The following SYF2 variants were observed in gnomAD, a reference collection of about 807,000 sequenced individuals.
SYF2 encodes SYF2 pre-mRNA splicing factor, also known as pre-mRNA-splicing factor SYF2.
SYF2 carries 21 observed loss-of-function variants against 32.7 expected under a neutral mutation model. The ratio of observed to expected loss-of-function variants is 0.64; its 90% CI spans 0.45 to 0.92. The LOEUF (loss-of-function observed/expected upper bound fraction) is 0.92. Ranked by LOEUF, SYF2 falls within the 40% of genes least tolerant of loss-of-function variation. SYF2 has a pLI of 0.00. For synonymous variants in SYF2, 114 were observed against 103.9 expected, an observed-to-expected ratio of 1.10 and a Z score of -0.59; for missense variants, 278 against 296.5, an observed-to-expected ratio of 0.94 and a Z score of 0.46.
At position 25,222,516 on chromosome 1, in the gene SYF2, A is replaced by G. The variant is rs959784084; in HGVS notation, c.*750T>C. On this transcript the variant is annotated 3_prime_UTR_variant, in exon 7 of 7. Coordinates refer to ENST00000236273, the MANE Select transcript of SYF2 (RefSeq NM_015484.5). ...AAGCAGGACTGGCCATGAGTTAATG[A>G]TTGTTGAACAGGGTACTGGGTATAT... is the stretch of plus-strand genomic sequence containing the variant. Among the ~76,000 whole-genome samples, 3 of 152,008 alleles carry G rather than the reference A, an allele frequency of 2.0e-5. No individual in the cohort carries two copies. The highest frequency in any genetic ancestry group is 4.4e-5 in the Non-Finnish European group (3 of 68,020).
chr1:25,223,912 G>C lies in SYF2; in HGVS notation c.567-481C>G, dbSNP rs192236957. On this transcript the variant is annotated intron_variant, in intron 6 of 6. Coordinates refer to ENST00000236273, the MANE Select transcript of SYF2 (RefSeq NM_015484.5). ...AAGATAACTATAACAATATTAAATA[G>C]GCCAGGCGCAGTGGCTCATGCCTGT... Among the ~76,000 whole-genome samples the C allele has an allele frequency of 5.4e-3, 817 of 152,192 alleles. 3 individuals are homozygous for C. The highest frequency in any genetic ancestry group is 8.0e-3 in the Non-Finnish European group (542 of 68,018).
intron 2 of SYF2, 127 bp from the exon 3 acceptor site, chr1:25,229,250 T>G: frequency 1.8e-6 from 2 of 1,132,546 alleles, no homozygotes; most frequent in Non-Finnish European, 2.5e-6. Flanking sequence ...CTAAAAGCAA[T>G]AGAGAGCCAT....
chr1:25,229,217 TA>T, intron 2 of SYF2, 94 bp from the exon 3 acceptor site: 1 of 1,434,058 alleles, frequency 7.0e-7, no homozygotes, highest in Non-Finnish European at 9.4e-7. Context: ...CAGGACATAT[TA>T]ATAAGCTGAC....
At chr1:25,228,398 G>A (rs1450564366) in intron 3 of SYF2, among the ~76,000 whole-genome samples, 163 bp from the exon 4 acceptor site, 3 of 152,112 alleles carry the variant, frequency 2.0e-5, no homozygotes, top group South Asian at 2.1e-4. Context: ...GCAGTGGCGC[G>A]ATCTCAGCTC....
In SYF2 at chr1:25,223,440, A is replaced by G. The variant is rs2124508643; in HGVS notation, c.567-9T>C. ...TGTCTCGTTTTTCAATCCTGGGGAA[A>G]GAAGAAAATTTACAAAATTCAAAAT... On this transcript the variant is annotated splice_polypyrimidine_tract_variant and intron_variant, in intron 6 of 6. Transcript: ENST00000236273. 4 of 1,593,668 alleles carry G rather than the reference A, an allele frequency of 2.5e-6. No individual in the cohort carries two copies. Among genetic ancestry groups the G allele is most frequent in the Non-Finnish European group, 3.4e-6 (4 of 1,172,936 alleles).
chr1:25,231,354 T>A (rs886064989), intron 2 of SYF2: 1 of 152,268 alleles, frequency 6.6e-6, no homozygotes, highest in South Asian at 2.1e-4. Flanking sequence ...CTGCTCCAAC[T>A]GCAGCAAGCT....
chr1:25,231,315 GGT>G (rs1433209000), intron 2 of SYF2: 1 of 152,214 alleles, frequency 6.6e-6, no homozygotes, highest in East Asian at 1.9e-4. Context: ...GTCACTCCAT[GGT>G]GAAACAGGGG....
At chr1:25,230,673 C>T (rs1280930909) in intron 2 of SYF2, 1 of 152,162 alleles carries the variant, frequency 6.6e-6, no homozygotes, top group South Asian at 2.1e-4. Context: ...GAGCAAACCA[C>T]GGGGAACCGT....
rs749361273 is a variant in SYF2, at chr1:25,232,119, C to T, written c.117G>A (p.Glu39=). The change falls in exon 2 of 7, where the codon GAG becomes GAA. Residue 39 remains glutamate, a synonymous_variant. Transcript: ENST00000236273. ...KREQRLRKFR[E]LHLMRNEARK... ...GACTACTCACCCGCATCAGGTGCAG[C>T]TCCCGGAATTTGCGCAGTCTCTGTT... 2.5e-6 allele frequency: 4 copies of T among 1,613,996 alleles called. No homozygotes were observed. In the Admixed American group the frequency reaches 5.0e-5, roughly 20 times the overall value.
chr1:25,232,271 G>A, intron 1 of SYF2, 60 bp from the exon 2 acceptor site: 2 of 1,568,410 alleles, frequency 1.3e-6, no homozygotes, highest in South Asian at 2.3e-5. Context: ...GGACTGCCCA[G>A]GCCGAGTCCC....
chr1:25,226,581 T>C (rs1405913161), intron 5 of SYF2, among the ~76,000 whole-genome samples: 1 of 152,148 alleles, frequency 6.6e-6, no homozygotes, highest in Admixed American at 6.5e-5. Context: ...ACTACGACAA[T>C]CAGGGTGTTA....
intron 5 of SYF2, among the ~76,000 whole-genome samples, chr1:25,227,138 T>C (rs1364436684): frequency 6.6e-6 from 1 of 151,916 alleles, no homozygotes; most frequent in Non-Finnish European, 1.5e-5. Context: ...CAAAAATTAG[T>C]TGGGCGTGGT....
intron 4 of SYF2, 59 bp from the exon 5 acceptor site, chr1:25,227,591 GA>G: frequency 6.9e-7 from 1 of 1,458,724 alleles, no homozygotes; most frequent in Non-Finnish European, 9.4e-7. Context: ...CCTTCCTATT[GA>G]GAGAAAAATC....
At position 25,225,118 on chromosome 1, in the gene SYF2, T is replaced by C; in HGVS notation, c.468-18A>G. On this transcript the variant is annotated intron_variant, in intron 5 of 6. Transcript: ENST00000236273. ...CTTCTCCACTGAAAAGGCAGCAAAA[T>C]GAACTTACAGTAACACTATAAATGC... The C allele has an allele frequency of 6.5e-7, 1 of 1,547,924 alleles. No individual in the cohort carries two copies. The highest frequency in any genetic ancestry group is 8.9e-7 in the Non-Finnish European group (1 of 1,119,714).
At chr1:25,230,533 T>G (rs1638605317) in intron 2 of SYF2, 1 of 152,162 alleles carries the variant, frequency 6.6e-6, no homozygotes, top group Admixed American at 6.6e-5. Flanking sequence ...AGATTAACTT[T>G]CCCTCGGCAA....
intron 2 of SYF2, 101 bp downstream of exon 2, chr1:25,232,003 T>A (rs773357173): frequency 8.6e-7 from 1 of 1,158,434 alleles, no homozygotes; most frequent in East Asian, 2.5e-5. Flanking sequence ...TCCTGCTCTG[T>A]TGGTCTGTCA....
At chr1:25,229,186 C>T (rs1378463773) in intron 2 of SYF2, 63 bp from the exon 3 acceptor site, 1 of 1,574,498 alleles carries the variant, frequency 6.4e-7, no homozygotes, top group African/African-American at 1.4e-5. Context: ...ATACACCTTG[C>T]CTTCTTTGAG....
At chr1:25,225,248 C>A (rs1161524355) in intron 5 of SYF2, 148 bp from the exon 6 acceptor site, 5 of 627,734 alleles carry the variant, frequency 8.0e-6, no homozygotes, top group Non-Finnish European at 1.4e-5. Context: ...AACATACAGG[C>A]TGGGTGCAGT....
At position 25,232,133 on chromosome 1, in the gene SYF2, G is replaced by A; in HGVS notation, c.103C>T (p.Arg35Cys). 2.5e-6 allele frequency: 4 copies of A among 1,613,968 alleles called. No individual in the cohort carries two copies. The highest frequency in any genetic ancestry group is 3.4e-6 in the Non-Finnish European group (4 of 1,179,988). The change falls in exon 2 of 7, where the codon CGC becomes TGC. Residue 35 changes from arginine (R) to cysteine (C), a missense_variant. Arg to Cys is a radical substitution (Grantham distance 180, BLOSUM62 -3). Transcript: ENST00000236273. ...LAAQKREQRL[R>C]KFRELHLMRN... ...ATCAGGTGCAGCTCCCGGAATTTGC[G>A]CAGTCTCTGTTCGCGCTTCTGAGCG...
Sources: gnomAD v4.1 joint callset for allele counts (sites outside exome capture counted in the v4.1 genomes callset) on GRCh38, gnomAD v4.1.1 for gene constraint, MANE v1.5 for transcripts, NCBI Gene and HGNC (gene_info 2026-07-23, HGNC 2026-07-21) for gene names.